The following PDE10A variants were observed in gnomAD, a reference collection of about 807,000 sequenced individuals.
PDE10A encodes phosphodiesterase 10A, also known as cAMP and cAMP-inhibited cGMP 3',5'-cyclic phosphodiesterase 10A.
PDE10A carries 39 observed loss-of-function variants against 97.7 expected under a neutral mutation model. The observed-to-expected ratio is 0.40, with a 90% confidence interval of 0.31 to 0.52. The LOEUF (loss-of-function observed/expected upper bound fraction) is 0.52, where lower values mean the gene tolerates loss of function less well. PDE10A is among the 20% of genes least tolerant of loss of function. The probability of loss-of-function intolerance (pLI) is 0.56; values close to 1 mark genes in which losing one functional copy is unlikely to be tolerated. For missense variants in PDE10A, 731 were observed against 1,047.8 expected, an observed-to-expected ratio of 0.70 and a Z score of 4.17; for synonymous variants, 371 against 376.8, an observed-to-expected ratio of 0.98 and a Z score of 0.18.
At chr6:165,741,309 C>T (rs149345248) in intron 1 of PDE10A, among the ~76,000 whole-genome samples, 53 of 152,048 alleles carry the variant, frequency 3.5e-4, no homozygotes, top group African/African-American at 1.2e-3. Flanking sequence ...GATATATGTA[C>T]GTTTGAAAAA....
chr6:165,639,028 A>G (rs1789005532), intron 1 of PDE10A, among the ~76,000 whole-genome samples: 1 of 142,372 alleles, frequency 7.0e-6, no homozygotes. Flanking sequence ...GGGAAGAAGG[A>G]AGGGAGGGAA....
At chr6:165,343,065 A>G (rs571579380) in intron 19 of PDE10A, among the ~76,000 whole-genome samples, 3 of 152,350 alleles carry the variant, frequency 2.0e-5, no homozygotes, top group Admixed American at 1.3e-4. Context: ...TCCAGTGCCT[A>G]TCTAAAGTAG....
At chr6:165,983,097 A>C (rs1388170946) in intron 1 of PDE10A, among the ~76,000 whole-genome samples, 1 of 148,958 alleles carries the variant, frequency 6.7e-6, no homozygotes, top group Non-Finnish European at 1.5e-5. Flanking sequence ...ACACGAGTAC[A>C]TGTGTCAAAT....
intron 1 of PDE10A, among the ~76,000 whole-genome samples, chr6:165,750,057 G>C (rs934864305): frequency 3.9e-5 from 6 of 152,178 alleles, no homozygotes; most frequent in Admixed American, 3.9e-4. Flanking sequence ...CAGGGGGTAT[G>C]TGAGGCCTGC....
chr6:165,638,730 C>T (rs551282872), intron 1 of PDE10A, among the ~76,000 whole-genome samples: 1 of 152,212 alleles, frequency 6.6e-6, no homozygotes, highest in Non-Finnish European at 1.5e-5. Context: ...GTCGCCCACA[C>T]AACACCCACA....
chr6:165,435,053 T>C (rs182491677), intron 6 of PDE10A, among the ~76,000 whole-genome samples, 184 bp downstream of exon 6: 10 of 152,362 alleles, frequency 6.6e-5, no homozygotes, highest in African/African-American at 2.4e-4. Context: ...ATTTAGCTGT[T>C]AGTGGGTAAA....
chr6:165,416,201 G>A lies in PDE10A; in HGVS notation c.1877C>T (p.Pro626Leu). 6.2e-7 allele frequency: 1 copy of A among 1,605,622 alleles called. No individual in the cohort carries two copies. The highest frequency in any genetic ancestry group is 8.5e-7 in the Non-Finnish European group (1 of 1,172,320). The change falls in exon 12 of 22, where the codon CCA becomes CTA. Residue 626 changes from proline to leucine, a missense_variant. By Grantham distance (98) the Pro-to-Leu change is moderately conservative. Around this residue, in one of 8 missense-constraint regions of PDE10A, gnomAD observed 108 missense variants for 199.8 expected, o/e 0.54. Coordinates refer to ENST00000539869, the MANE Select transcript of PDE10A (RefSeq NM_001385079.1). ...AGCTATTTCTTACCTGTTAAAGCGT[G>A]GGTCTGCATAGGCATCTGGAATGTT... Reference protein sequence around the residue: ...VLNIPDAYADPRFNREVDLYT... With the variant: ...VLNIPDAYADLRFNREVDLYT...
At chr6:165,532,850 C>T (rs751542544) in intron 2 of PDE10A, among the ~76,000 whole-genome samples, 17 of 152,142 alleles carry the variant, frequency 1.1e-4, no homozygotes, top group Non-Finnish European at 1.9e-4. Context: ...AAATCTACAC[C>T]ATCCCATTTA....
At chr6:165,376,324 C>A (rs1562398115) in intron 18 of PDE10A, among the ~76,000 whole-genome samples, 1 of 152,184 alleles carries the variant, frequency 6.6e-6, no homozygotes, top group East Asian at 1.9e-4. Context: ...CAATCATGAT[C>A]AAACTTGAAC....
intron 1 of PDE10A, among the ~76,000 whole-genome samples, chr6:165,881,832 C>G (rs1056595581): frequency 4.6e-5 from 7 of 152,134 alleles, no homozygotes; most frequent in African/African-American, 1.7e-4. Flanking sequence ...TTCAACTGCC[C>G]CCTCCATCAT....
At chr6:165,486,803 C>G (rs996195590) in intron 2 of PDE10A, among the ~76,000 whole-genome samples, 1 of 152,190 alleles carries the variant, frequency 6.6e-6, no homozygotes, top group Non-Finnish European at 1.5e-5. Flanking sequence ...TTAACCTGTT[C>G]AATGAAATCA....
At chr6:165,584,997 T>A (rs559780197) in intron 1 of PDE10A, among the ~76,000 whole-genome samples, 1 of 152,364 alleles carries the variant, frequency 6.6e-6, no homozygotes, top group Non-Finnish European at 1.5e-5. Context: ...TTATTGAGTA[T>A]GTGGGTATAC....
chr6:165,981,468 G>A (rs993308036), intron 1 of PDE10A, among the ~76,000 whole-genome samples: 1 of 152,284 alleles, frequency 6.6e-6, no homozygotes. Flanking sequence ...AGAGGCACAT[G>A]GGGTGACTTT....
chr6:165,522,079 T>C (rs1419539829), intron 2 of PDE10A, among the ~76,000 whole-genome samples: 1 of 152,188 alleles, frequency 6.6e-6, no homozygotes, highest in Non-Finnish European at 1.5e-5. Flanking sequence ...CTTCTGTTCA[T>C]GGACACTTTT....
chr6:165,978,048 A>T (rs187229915), intron 1 of PDE10A, among the ~76,000 whole-genome samples: 61 of 152,328 alleles, frequency 4.0e-4, no homozygotes, highest in Non-Finnish European at 6.9e-4. Flanking sequence ...TTGATGACAG[A>T]GGTCAGAAGG....
At chr6:165,818,058 A>T (rs1277647005) in intron 1 of PDE10A, among the ~76,000 whole-genome samples, 1 of 152,200 alleles carries the variant, frequency 6.6e-6, no homozygotes, top group Non-Finnish European at 1.5e-5. Flanking sequence ...AGCTGAGCTG[A>T]GTCCCACTGT....
intron 1 of PDE10A, among the ~76,000 whole-genome samples, chr6:165,582,716 C>T (rs949792069): frequency 2.0e-5 from 3 of 151,840 alleles, no homozygotes; most frequent in Admixed American, 1.3e-4. Context: ...TTTTTACTAC[C>T]TTGTCTTGTT....
chr6:165,826,496 C>CGTGTCCCT (rs71029568), intron 1 of PDE10A, among the ~76,000 whole-genome samples: 2 of 118,814 alleles, frequency 1.7e-5, no homozygotes, highest in South Asian at 3.1e-4. Flanking sequence ...TCCCTCTGTC[C>CGTGTCCCT]CTGTGTCCCT....
chr6:165,638,496 A>G (rs1237769844), intron 1 of PDE10A, among the ~76,000 whole-genome samples: 1 of 152,216 alleles, frequency 6.6e-6, no homozygotes, highest in Admixed American at 6.5e-5. Flanking sequence ...TGTGTTCTGA[A>G]AGGACGCATG....
Sources: gnomAD v4.1 joint callset for allele counts (sites outside exome capture counted in the v4.1 genomes callset) on GRCh38, gnomAD v4.1.1 for gene constraint, gnomAD v4.1.1 regional missense constraint, MANE v1.5 for transcripts, NCBI Gene and HGNC (gene_info 2026-07-23, HGNC 2026-07-21) for gene names.